Variants in MAPK10 observed in about 807,000 individuals in gnomAD.
MAPK10 encodes mitogen-activated protein kinase 10, also known as JNK3 alpha protein kinase.
MAPK10 carries 25 observed loss-of-function variants against 59.3 expected under a neutral mutation model. That is an observed-to-expected ratio of 0.42 (90% CI 0.31 to 0.59). The LOEUF is 0.59. Ranked by LOEUF, MAPK10 falls within the 20% of genes least tolerant of loss-of-function variation. The pLI, the probability that MAPK10 is intolerant of heterozygous loss-of-function variation, is 0.15. For synonymous variants in MAPK10, 190 were observed against 200.5 expected, an observed-to-expected ratio of 0.95 and a Z score of 0.44; for missense variants, 351 against 568.9, an observed-to-expected ratio of 0.62 and a Z score of 3.90.
intron 1 of MAPK10, among the ~76,000 whole-genome samples, chr4:86,560,383 T>C (rs1760583824): frequency 6.6e-6 from 1 of 152,248 alleles, no homozygotes. Flanking sequence ...GGAAATATGC[T>C]GTATTTGCCT....
At chr4:86,075,166 T>G (rs1422901521) in intron 9 of MAPK10, among the ~76,000 whole-genome samples, 1 of 152,178 alleles carries the variant, frequency 6.6e-6, no homozygotes, top group African/African-American at 2.4e-5. Flanking sequence ...ACTGATACCC[T>G]TTCTTCCAGT....
intron 2 of MAPK10, among the ~76,000 whole-genome samples, chr4:86,212,619 AG>A (rs2149356357): frequency 6.6e-6 from 1 of 152,350 alleles, no homozygotes; most frequent in South Asian, 2.1e-4. Flanking sequence ...AATCAAAAAA[AG>A]TTTACAAGAG....
intron 8 of MAPK10, 24 bp from the exon 9 acceptor site, chr4:86,098,619 TGA>T (rs2054679824): frequency 1.3e-6 from 2 of 1,548,336 alleles, no homozygotes; most frequent in Non-Finnish European, 1.8e-6. Flanking sequence ...GAGAGGGTAG[TGA>T]AGAAAAGGGA....
intron 1 of MAPK10, among the ~76,000 whole-genome samples, chr4:86,415,996 T>G (rs1441605359): frequency 6.6e-6 from 1 of 152,198 alleles, no homozygotes; most frequent in African/African-American, 2.4e-5. Flanking sequence ...TTCTGTAAAA[T>G]GTGAATAATA....
intron 1 of MAPK10, among the ~76,000 whole-genome samples, chr4:86,581,676 T>TTGTG (rs56210798): frequency 0.026 from 3,533 of 136,798 alleles, 51 homozygotes; most frequent in African/African-American, 0.031. Context: ...TTTTCAGTTA[T>TTGTG]TGTGTGTGTG....
intron 1 of MAPK10, among the ~76,000 whole-genome samples, chr4:86,501,845 A>G (rs1455107296): frequency 2.0e-5 from 3 of 151,996 alleles, no homozygotes; most frequent in Non-Finnish European, 4.4e-5. Flanking sequence ...CCAACTTCCA[A>G]TTTGGTTAAT....
At chr4:86,353,896 C>T (rs865901855) in intron 2 of MAPK10, among the ~76,000 whole-genome samples, 6 of 152,102 alleles carry the variant, frequency 3.9e-5, no homozygotes, top group Non-Finnish European at 8.8e-5. Flanking sequence ...TATGAAGCAT[C>T]AAGTATTTGA....
At chr4:86,591,221 G>C (rs1763021069) in intron 1 of MAPK10, among the ~76,000 whole-genome samples, 1 of 152,064 alleles carries the variant, frequency 6.6e-6, no homozygotes, top group Non-Finnish European at 1.5e-5. Flanking sequence ...ACCATGCCCA[G>C]CCAGTTTTAT....
intron 1 of MAPK10, among the ~76,000 whole-genome samples, chr4:86,542,769 T>C (rs1240420065): frequency 6.6e-6 from 1 of 152,194 alleles, no homozygotes; most frequent in Non-Finnish European, 1.5e-5. Flanking sequence ...AAGGGAACAC[T>C]ACAGACACTG....
chr4:86,045,121 C>T (rs2042259086), intron 11 of MAPK10, among the ~76,000 whole-genome samples: 1 of 151,976 alleles, frequency 6.6e-6, no homozygotes, highest in African/African-American at 2.4e-5. Flanking sequence ...AGTGGTTTGG[C>T]AAAGAAGTTG....
At chr4:86,048,605 A>G (rs1245769068) in intron 11 of MAPK10, among the ~76,000 whole-genome samples, 1 of 152,050 alleles carries the variant, frequency 6.6e-6, no homozygotes. Context: ...CAGCCCTCCT[A>G]CATAAGTAAC....
intron 3 of MAPK10, among the ~76,000 whole-genome samples, chr4:86,167,005 A>C (rs1044887060): frequency 1.3e-5 from 2 of 152,166 alleles, no homozygotes; most frequent in Non-Finnish European, 2.9e-5. Flanking sequence ...AGAGAAAAGA[A>C]TCAAATAGAC....
intron 9 of MAPK10, among the ~76,000 whole-genome samples, chr4:86,083,302 G>GGA (rs2051059375): frequency 1.3e-5 from 2 of 152,238 alleles, no homozygotes; most frequent in South Asian, 4.1e-4. Context: ...AAGAAGCACT[G>GGA]AAGAGGCAGG....
chr4:86,016,354 C>T lies in MAPK10; in HGVS notation c.*874G>A, dbSNP rs1045258138. The T allele has an allele frequency of 2.6e-5, 4 of 152,566 alleles. No individual in the cohort carries two copies. The highest frequency in any genetic ancestry group is 9.7e-5 in the African/African-American group (4 of 41,422). 9.5% of individuals were successfully genotyped at this position (152,566 alleles called of 1,614,324 possible). ...TCCAGTCTCTCCTACTCTTTACTGT[C>T]ACAGAAAAGACTCTCAGCTTTTATT... On this transcript the variant is annotated 3_prime_UTR_variant, in exon 14 of 14. Transcript: ENST00000641462.
chr4:86,332,435 C>T (rs984243615), intron 2 of MAPK10: 1 of 152,036 alleles, frequency 6.6e-6, no homozygotes, highest in African/African-American at 2.4e-5. Flanking sequence ...CATGCTTTAA[C>T]ATTCAATGTA....
intron 1 of MAPK10, among the ~76,000 whole-genome samples, chr4:86,439,506 T>C (rs984066287): frequency 1.3e-5 from 2 of 152,234 alleles, no homozygotes; most frequent in African/African-American, 4.8e-5. Context: ...ATGAGAACAT[T>C]TGGGTTGTTT....
chr4:86,487,088 G>A (rs967318854), intron 1 of MAPK10, among the ~76,000 whole-genome samples: 1 of 152,180 alleles, frequency 6.6e-6, no homozygotes, highest in African/African-American at 2.4e-5. Context: ...CTGAAGACAT[G>A]AGACAGTCGA....
At chr4:86,263,659 G>A (rs773955109) in intron 2 of MAPK10, among the ~76,000 whole-genome samples, 1 of 152,226 alleles carries the variant, frequency 6.6e-6, no homozygotes, top group South Asian at 2.1e-4. Flanking sequence ...CTGGCTTGAT[G>A]AGGGTTTGAA....
intron 9 of MAPK10, among the ~76,000 whole-genome samples, chr4:86,093,946 T>A (rs1561600695): frequency 6.6e-6 from 1 of 151,932 alleles, no homozygotes; most frequent in African/African-American, 2.4e-5. Context: ...CCTACTAAAT[T>A]GTTTCATCCT....
Sources: allele counts gnomAD v4.1 joint callset (sites outside exome capture counted in the v4.1 genomes callset), GRCh38; gene constraint gnomAD v4.1.1; transcripts MANE v1.5; gene names NCBI Gene and HGNC (gene_info 2026-07-23, HGNC 2026-07-21).